The following ASAP1 variants were observed in gnomAD, a reference collection of about 807,000 sequenced individuals.
ASAP1 encodes the protein ArfGAP with SH3 domain, ankyrin repeat and PH domain 1.
Under a neutral mutation model 145.2 loss-of-function variants are expected in ASAP1, and 43 were observed. The observed-to-expected ratio is 0.30, with a 90% CI of 0.23 to 0.38. The LOEUF is 0.38. ASAP1 is among the 10% of genes least tolerant of loss of function. ASAP1 has a pLI of 1.00. For missense variants in ASAP1, 1,018 were observed against 1,355.3 expected (o/e 0.75, Z 3.91); for synonymous variants, 546 against 515.5 (o/e 1.06, Z -0.80).
chr8:130,131,492 T>A (rs1372289439), intron 15 of ASAP1, among the ~76,000 whole-genome samples: 1 of 149,302 alleles, frequency 6.7e-6, no homozygotes, highest in Non-Finnish European at 1.5e-5. Flanking sequence ...GGCTGGGCAC[T>A]ATAGCTCACG....
chr8:130,079,467 TTA>T (rs1000979163), intron 26 of ASAP1, among the ~76,000 whole-genome samples: 2 of 152,172 alleles, frequency 1.3e-5, no homozygotes, highest in African/African-American at 4.8e-5. Context: ...AGTGCTATTT[TTA>T]TGTTTGAAAA....
intron 1 of ASAP1, among the ~76,000 whole-genome samples, chr8:130,417,870 C>T (rs989301174): frequency 3.3e-5 from 5 of 152,216 alleles, no homozygotes; most frequent in African/African-American, 9.7e-5. Context: ...AGGAAAGCCT[C>T]GCTGTACTGG....
chr8:130,354,576 C>G (rs766358259), intron 3 of ASAP1, among the ~76,000 whole-genome samples: 1 of 152,222 alleles, frequency 6.6e-6, no homozygotes, highest in Non-Finnish European at 1.5e-5. Context: ...TCCTAAAATG[C>G]CTGCCTGCTC....
intron 3 of ASAP1, among the ~76,000 whole-genome samples, chr8:130,325,741 A>G (rs760680459): frequency 6.6e-6 from 1 of 152,194 alleles, no homozygotes; most frequent in Non-Finnish European, 1.5e-5. Flanking sequence ...GGGCAGGGCT[A>G]AATGCTTTTC....
At chr8:130,240,316 G>A (rs1203492088) in intron 3 of ASAP1, among the ~76,000 whole-genome samples, 1 of 151,648 alleles carries the variant, frequency 6.6e-6, no homozygotes, top group African/African-American at 2.4e-5. Flanking sequence ...TTTTTTTTAA[G>A]CTTGAGTGTT....
intron 26 of ASAP1, among the ~76,000 whole-genome samples, chr8:130,079,191 T>C (rs1020252478): frequency 3.3e-5 from 5 of 152,226 alleles, no homozygotes; most frequent in Middle Eastern, 6.8e-3. Context: ...AAAGGCCCTA[T>C]CTCAAAAAAA....
At chr8:130,338,606 A>G (rs377290860) in intron 3 of ASAP1, among the ~76,000 whole-genome samples, 12 of 152,164 alleles carry the variant, frequency 7.9e-5, no homozygotes, top group Middle Eastern at 3.4e-3. Context: ...AATTTTTTCC[A>G]TTTCTTTTAT....
chr8:130,412,435 G>A (rs1829307011), intron 1 of ASAP1, among the ~76,000 whole-genome samples: 4 of 151,870 alleles, frequency 2.6e-5, no homozygotes. Context: ...CATGTGACGT[G>A]CCTGTTCCCC....
At chr8:130,395,908 C>A (rs10087626) in intron 2 of ASAP1, among the ~76,000 whole-genome samples, 1 of 151,970 alleles carries the variant, frequency 6.6e-6, no homozygotes, top group South Asian at 2.1e-4. Context: ...TTAGGTAATC[C>A]GCCCGCCTCC....
chr8:130,205,391 A>C (rs550882901), intron 5 of ASAP1, among the ~76,000 whole-genome samples: 14 of 151,726 alleles, frequency 9.2e-5, no homozygotes, highest in Middle Eastern at 6.9e-3. Flanking sequence ...AGAAAAAAAA[A>C]AAAAAAAAAC....
intron 1 of ASAP1, among the ~76,000 whole-genome samples, chr8:130,420,653 G>A (rs931658282): frequency 6.6e-6 from 1 of 152,030 alleles, no homozygotes; most frequent in African/African-American, 2.4e-5. Context: ...CAGCACTGTG[G>A]GAGGCCGAGG....
At chr8:130,207,297 G>A (rs1816289500) in intron 5 of ASAP1, among the ~76,000 whole-genome samples, 1 of 152,138 alleles carries the variant, frequency 6.6e-6, no homozygotes, top group South Asian at 2.1e-4. Flanking sequence ...GGAAGGATAA[G>A]TTTAGAGAGA....
intron 1 of ASAP1, among the ~76,000 whole-genome samples, chr8:130,418,609 T>A (rs905145790): frequency 4.6e-5 from 7 of 151,912 alleles, no homozygotes; most frequent in African/African-American, 1.7e-4. Flanking sequence ...TTAGCATAAT[T>A]CACAGAAGTG....
At chr8:130,380,401 G>A (rs1827711031) in intron 2 of ASAP1, among the ~76,000 whole-genome samples, 1 of 152,180 alleles carries the variant, frequency 6.6e-6, no homozygotes, top group African/African-American at 2.4e-5. Context: ...TGCCCTGCAT[G>A]CAGCCTGAGC....
intron 7 of ASAP1, among the ~76,000 whole-genome samples, chr8:130,185,769 A>G (rs1287645158): frequency 1.3e-5 from 2 of 151,898 alleles, no homozygotes; most frequent in East Asian, 1.9e-4. Context: ...AAGAAAAAAA[A>G]AGAAAAGCCA....
At chr8:130,136,917 C>A in intron 14 of ASAP1, 34 bp downstream of exon 14, 1 of 1,583,646 alleles carries the variant, frequency 6.3e-7, no homozygotes, top group Non-Finnish European at 8.7e-7. Context: ...TCAGAAGCCA[C>A]AATAACCAAC....
At position 130,370,576 on chromosome 8, in the gene ASAP1, T is replaced by G. The variant is rs540122955; in HGVS notation, c.60-12433A>C. 6.6e-5 allele frequency among the ~76,000 whole-genome samples: 10 copies of G among 152,302 alleles called. No homozygotes were observed. The East Asian group carries it at 1.9e-3, about 29-fold the overall frequency. The stretch of plus-strand genomic sequence containing the variant: ...TATACACAAGAGAAATGAAAACATA[T>G]GTGCACATAAAACCTTGTACACCAA... On this transcript the variant is annotated intron_variant, in intron 2 of 29. Transcript: ENST00000518721.
Position 130,116,865 on chromosome 8 carries a change from T to C in ASAP1, c.1996+15A>G, listed in dbSNP as rs1219104690. 1.9e-6 allele frequency: 3 copies of C among 1,604,274 alleles called. No homozygotes were observed. The highest frequency in any genetic ancestry group is 8.5e-7 in the Non-Finnish European group (1 of 1,171,542). The stretch of plus-strand genomic sequence containing the variant: ...ACGCTTACTACAGTCATGAAGACAC[T>C]AGACACACTCTTACCTATATCCACA... On this transcript the variant is annotated intron_variant, in intron 21 of 29. Coordinates refer to ENST00000518721, the MANE Select transcript of ASAP1 (RefSeq NM_018482.4).
At chr8:130,152,671 G>T in intron 13 of ASAP1, 65 bp downstream of exon 13, 5 of 1,156,366 alleles carry the variant, frequency 4.3e-6, no homozygotes, top group Non-Finnish European at 6.2e-6. Flanking sequence ...AATTTTTACT[G>T]CTGAGTACAT....
Sources: allele counts gnomAD v4.1 joint callset (sites outside exome capture counted in the v4.1 genomes callset), GRCh38; gene constraint gnomAD v4.1.1; transcripts MANE v1.5; gene names NCBI Gene and HGNC (gene_info 2026-07-23, HGNC 2026-07-21).